OPCML: variants seen among roughly 807,000 people sequenced by gnomAD.
OPCML encodes the protein opioid-binding protein/cell adhesion molecule.
A neutral mutation model predicts 37.8 loss-of-function variants in OPCML; 13 were observed. The ratio of observed to expected loss-of-function variants is 0.34; its 90% CI spans 0.22 to 0.55. The LOEUF (loss-of-function observed/expected upper bound fraction) is 0.55. Among genes scored for constraint, OPCML ranks in the 20% least tolerant of loss-of-function variants. OPCML has a pLI of 0.91. For synonymous variants in OPCML, 176 were observed against 168.8 expected (o/e 1.04, Z -0.33); for missense variants, 341 against 435.6 (o/e 0.78, Z 1.93).
chr11:132,585,207 C>G (rs912362747), intron 3 of OPCML, among the ~76,000 whole-genome samples: 23 of 151,982 alleles, frequency 1.5e-4, no homozygotes, highest in African/African-American at 5.6e-4. Context: ...CTGTCTCATT[C>G]GTGAATGGAC....
intron 1 of OPCML, among the ~76,000 whole-genome samples, chr11:133,372,089 AG>A (rs2136754070): frequency 6.6e-6 from 1 of 152,294 alleles, no homozygotes; most frequent in African/African-American, 2.4e-5. Flanking sequence ...GGAAGGAACA[AG>A]TTCTAATATT....
intron 4 of OPCML, among the ~76,000 whole-genome samples, chr11:132,464,059 C>T (rs2096111974): frequency 6.6e-6 from 1 of 152,182 alleles, no homozygotes; most frequent in African/African-American, 2.4e-5. Context: ...AAACAAAATA[C>T]ATTTCATGAC....
intron 2 of OPCML, among the ~76,000 whole-genome samples, chr11:132,709,984 A>G (rs566693159): frequency 6.6e-6 from 1 of 152,358 alleles, no homozygotes; most frequent in Admixed American, 6.5e-5. Flanking sequence ...CAGTAAAGAA[A>G]CAAATGTTTA....
At chr11:132,850,998 A>G (rs1941784011) in intron 2 of OPCML, among the ~76,000 whole-genome samples, 1 of 152,238 alleles carries the variant, frequency 6.6e-6, no homozygotes, top group Admixed American at 6.5e-5. Context: ...AATAGAATTC[A>G]GAGAGGTCTA....
chr11:133,235,104 G>A (rs891405999), intron 1 of OPCML, among the ~76,000 whole-genome samples: 6 of 151,848 alleles, frequency 4.0e-5, no homozygotes, highest in Admixed American at 2.6e-4. Context: ...GGGGCTCCGC[G>A]GCTTTAGCTG....
In OPCML at chr11:133,241,433, T is replaced by C. The variant is rs569718388; in HGVS notation, c.61+290831A>G. Among the ~76,000 whole-genome samples the C allele has an allele frequency of 2.6e-5, 4 of 152,354 alleles. No homozygotes were observed. In the South Asian group the frequency reaches 8.3e-4, roughly 32 times the overall value. On this transcript the variant is annotated intron_variant, in intron 1 of 7. Transcript: ENST00000524381. ...GCCAAAGCTAAGCACTAAGTTTCTT[T>C]TTCCATTGTGCACCTAAATGGTATC... is the stretch of plus-strand genomic sequence containing the variant.
chr11:132,613,187 C>T (rs1317762856), intron 3 of OPCML, among the ~76,000 whole-genome samples: 2 of 152,134 alleles, frequency 1.3e-5, no homozygotes, highest in Admixed American at 1.3e-4. Context: ...AAGACTAGGC[C>T]GATGGCCACT....
At chr11:133,345,917 C>T (rs79655277) in intron 1 of OPCML, among the ~76,000 whole-genome samples, 4 of 152,066 alleles carry the variant, frequency 2.6e-5, no homozygotes, top group Admixed American at 6.6e-5. Context: ...CTCTAGATTT[C>T]GTCTAATCAA....
intron 1 of OPCML, among the ~76,000 whole-genome samples, chr11:133,249,463 C>A (rs990476639): frequency 1.4e-4 from 21 of 152,246 alleles, no homozygotes; most frequent in Non-Finnish European, 1.5e-5. Flanking sequence ...TCCAACATTG[C>A]GGATCAAATT....
intron 1 of OPCML, among the ~76,000 whole-genome samples, chr11:133,077,288 C>T (rs1422901081): frequency 6.6e-6 from 1 of 151,876 alleles, no homozygotes; most frequent in South Asian, 2.1e-4. Context: ...ACTTGGAGCT[C>T]ATCACACGGA....
At position 133,042,053 on chromosome 11, in the gene OPCML, G is replaced by T. The variant is rs181498700; in HGVS notation, c.62-99043C>A. On this transcript the variant is annotated intron_variant, in intron 1 of 7. Coordinates refer to ENST00000524381, the MANE Select transcript of OPCML (RefSeq NM_001012393.5). ...GCCGTGCAGAGCTGGGGGGTGGGGG[G>T]AGCCTGCTTATTCCCTCTCTGGACA... 3.0e-3 allele frequency among the ~76,000 whole-genome samples: 456 copies of T among 152,226 alleles called. 3 individuals are homozygous for T. Among genetic ancestry groups the T allele is most frequent in the African/African-American group, 0.01 (419 of 41,552 alleles).
At chr11:133,183,894 C>T (rs1162697838) in intron 1 of OPCML, among the ~76,000 whole-genome samples, 1 of 152,164 alleles carries the variant, frequency 6.6e-6, no homozygotes, top group Non-Finnish European at 1.5e-5. Flanking sequence ...TAAATACATG[C>T]CATGATTTTC....
At chr11:132,825,164 C>A (rs1940224412) in intron 2 of OPCML, among the ~76,000 whole-genome samples, 1 of 152,202 alleles carries the variant, frequency 6.6e-6, no homozygotes, top group Non-Finnish European at 1.5e-5. Context: ...CCTGCCTTTT[C>A]TGTCCATCTC....
At chr11:133,305,396 G>A (rs764608458) in intron 1 of OPCML, among the ~76,000 whole-genome samples, 1 of 152,176 alleles carries the variant, frequency 6.6e-6, no homozygotes, top group Non-Finnish European at 1.5e-5. Context: ...CCTGTGGGAG[G>A]TTAAAGAGCC....
At chr11:132,742,854 T>C (rs1186620734) in intron 2 of OPCML, among the ~76,000 whole-genome samples, 2 of 151,348 alleles carry the variant, frequency 1.3e-5, no homozygotes, top group Non-Finnish European at 2.9e-5. Flanking sequence ...ACATATATAA[T>C]AATTCCTTCA....
chr11:132,672,384 AAAC>A (rs1942514790), intron 2 of OPCML, among the ~76,000 whole-genome samples: 1 of 152,184 alleles, frequency 6.6e-6, no homozygotes, highest in Middle Eastern at 3.2e-3. Flanking sequence ...TACGCAAGGG[AAAC>A]AACTAGTGCA....
chr11:133,203,436 C>T (rs1188270279), intron 1 of OPCML, among the ~76,000 whole-genome samples: 1 of 152,166 alleles, frequency 6.6e-6, no homozygotes, highest in African/African-American at 2.4e-5. Context: ...AGTATCTTCG[C>T]CTCTCAGGTG....
chr11:132,759,387 C>G (rs907991980), intron 2 of OPCML, among the ~76,000 whole-genome samples: 2 of 152,194 alleles, frequency 1.3e-5, no homozygotes, highest in Non-Finnish European at 2.9e-5. Context: ...ACCAGCTCCT[C>G]TTTGCACCTC....
At chr11:132,915,705 T>C (rs932241071) in intron 2 of OPCML, among the ~76,000 whole-genome samples, 2 of 152,240 alleles carry the variant, frequency 1.3e-5, no homozygotes, top group African/African-American at 4.8e-5. Flanking sequence ...TGCTTTAATT[T>C]GTATTTCCCT....
Sources: gnomAD v4.1 joint callset for allele counts (sites outside exome capture counted in the v4.1 genomes callset) on GRCh38, gnomAD v4.1.1 for gene constraint, MANE v1.5 for transcripts, NCBI Gene and HGNC (gene_info 2026-07-23, HGNC 2026-07-21) for gene names.